NR5A2: variants seen among roughly 807,000 people sequenced by gnomAD.
NR5A2 encodes the protein nuclear receptor subfamily 5 group A member 2.
NR5A2 carries 26 observed loss-of-function variants against 62.7 expected under a neutral mutation model. The ratio of observed to expected loss-of-function variants is 0.41; its 90% CI spans 0.30 to 0.58. The LOEUF (loss-of-function observed/expected upper bound fraction) is 0.58. Ranked by LOEUF, NR5A2 falls within the 20% of genes least tolerant of loss-of-function variation. The pLI is 0.22. For synonymous variants in NR5A2, 246 were observed against 241.7 expected, an observed-to-expected ratio of 1.02 and a Z score of -0.16; for missense variants, 541 against 669.1, an observed-to-expected ratio of 0.81 and a Z score of 2.11.
At chr1:200,061,002 C>T (rs1663187256) in intron 5 of NR5A2, among the ~76,000 whole-genome samples, 1 of 149,742 alleles carries the variant, frequency 6.7e-6, no homozygotes, top group South Asian at 2.1e-4. Flanking sequence ...CACCTGTAAT[C>T]CCAGCTATTC....
At chr1:200,152,362 G>T (rs536262693) in intron 7 of NR5A2, among the ~76,000 whole-genome samples, 2 of 151,936 alleles carry the variant, frequency 1.3e-5, no homozygotes, top group South Asian at 2.1e-4. Flanking sequence ...CTACATAAAG[G>T]TTTTCCATAT....
In NR5A2 at chr1:200,039,197, G is replaced by A. The variant is rs1200751722; in HGVS notation, c.65-461G>A. The stretch of plus-strand genomic sequence containing the variant: ...GGAGAGGAGGGGAGAGAGAAGGGAG[G>A]CGAGAGAAAGAGGAGAGAGACCCCT... On this transcript the variant is annotated intron_variant, in intron 1 of 7. Transcript: ENST00000367362. The surrounding 1 kb of genome is among the most constrained non-coding windows in gnomAD (Gnocchi z 5.1). Among the ~76,000 whole-genome samples the A allele has an allele frequency of 1.3e-5, 2 of 152,234 alleles. No individual in the cohort carries two copies. The highest frequency in any genetic ancestry group is 2.1e-4 in the South Asian group (1 of 4,826).
intron 7 of NR5A2, among the ~76,000 whole-genome samples, chr1:200,131,156 T>C (rs572781129): frequency 6.6e-6 from 1 of 152,294 alleles, no homozygotes; most frequent in African/African-American, 2.4e-5. Flanking sequence ...ATTTACACCA[T>C]AGAGATTTGG....
intron 7 of NR5A2, among the ~76,000 whole-genome samples, chr1:200,142,513 T>TA (rs931260431): frequency 0.01 from 1,539 of 150,662 alleles, 28 homozygotes; most frequent in African/African-American, 0.035. Context: ...TTCTTTTTTT[T>TA]AAAAAAAAAT....
At chr1:200,124,807 C>A (rs1423576093) in intron 7 of NR5A2, among the ~76,000 whole-genome samples, 1 of 152,156 alleles carries the variant, frequency 6.6e-6, no homozygotes, top group East Asian at 1.9e-4. Context: ...TGGCAGACAC[C>A]TGTGGTTTCA....
intron 1 of NR5A2, among the ~76,000 whole-genome samples, chr1:200,037,854 G>C (rs1661850373): frequency 6.6e-6 from 1 of 152,204 alleles, no homozygotes; most frequent in Admixed American, 6.5e-5. Context: ...GTGTGGGTGG[G>C]TGATGAACAA....
intron 5 of NR5A2, among the ~76,000 whole-genome samples, chr1:200,056,908 C>T (rs1003083266): frequency 2.0e-5 from 3 of 152,176 alleles, no homozygotes; most frequent in Admixed American, 6.5e-5. Context: ...AGTAGGACCA[C>T]ACTGCTACCG....
chr1:200,141,637 C>T (rs1248839873), intron 7 of NR5A2, among the ~76,000 whole-genome samples: 1 of 152,072 alleles, frequency 6.6e-6, no homozygotes, highest in Non-Finnish European at 1.5e-5. Flanking sequence ...CAAGAATGCA[C>T]TTGTTGGGTC....
At chr1:200,035,081 A>G (rs547240197) in intron 1 of NR5A2, among the ~76,000 whole-genome samples, 1 of 152,070 alleles carries the variant, frequency 6.6e-6, no homozygotes. Context: ...GAGGGGCGGA[A>G]AAATTAGGCA....
At chr1:200,042,337 A>AC (rs1352827493) in intron 2 of NR5A2, among the ~76,000 whole-genome samples, 3 of 151,448 alleles carry the variant, frequency 2.0e-5, no homozygotes, top group Admixed American at 6.6e-5. Context: ...GCTGCAAGTG[A>AC]CCCCCCTGAC....
At chr1:200,087,561 A>C (rs955295907) in intron 5 of NR5A2, among the ~76,000 whole-genome samples, 1 of 150,146 alleles carries the variant, frequency 6.7e-6, no homozygotes, top group African/African-American at 2.5e-5. Context: ...CACCTGGCTA[A>C]TTTTTTTGTA....
intron 5 of NR5A2, among the ~76,000 whole-genome samples, chr1:200,053,299 T>C (rs1490007867): frequency 6.6e-6 from 1 of 151,950 alleles, no homozygotes; most frequent in Admixed American, 6.6e-5. Flanking sequence ...AAAGATGAAA[T>C]TAATACTCTG....
intron 5 of NR5A2, among the ~76,000 whole-genome samples, chr1:200,053,538 C>T (rs947841148): frequency 2.8e-4 from 41 of 148,416 alleles, no homozygotes; most frequent in South Asian, 2.1e-4. Context: ...TCCTCTTGTA[C>T]GCATTCCCTC....
intron 5 of NR5A2, among the ~76,000 whole-genome samples, chr1:200,106,278 C>T (rs994180634): frequency 4.6e-5 from 7 of 151,990 alleles, no homozygotes; most frequent in African/African-American, 9.7e-5. Context: ...AGGCTGGTCT[C>T]GAACTCCTGA....
intron 7 of NR5A2, among the ~76,000 whole-genome samples, chr1:200,134,892 A>G (rs1474260070): frequency 6.6e-6 from 1 of 152,178 alleles, no homozygotes; most frequent in Non-Finnish European, 1.5e-5. Context: ...TGTCTCTAGA[A>G]CTTCCTGTCT....
At position 200,174,145 on chromosome 1, in the gene NR5A2, C is replaced by A; in HGVS notation, c.1561C>A (p.His521Asn). ...MQAEEYLYYK[H>N]LNGDVPYNNL... ...GGCTGAAGAATACCTCTACTACAAG[C>A]ACCTGAACGGGGATGTGCCCTATAA... Residue 521 changes from histidine (H) to asparagine (N), a missense_variant, in exon 8 of 8, where the codon CAC (histidine) becomes AAC (asparagine). His to Asn is a moderately conservative substitution (Grantham distance 68). This residue lies in a region of NR5A2 where 379 missense variants were observed against 442.0 expected (regional missense o/e 0.86). Coordinates refer to ENST00000367362, the MANE Select transcript of NR5A2 (RefSeq NM_205860.3). The A allele has an allele frequency of 6.2e-7, 1 of 1,613,746 alleles. No homozygotes were observed. The highest frequency in any genetic ancestry group is 8.5e-7 in the Non-Finnish European group (1 of 1,179,918).
intron 5 of NR5A2, among the ~76,000 whole-genome samples, chr1:200,083,988 TA>T (rs1664413409): frequency 1.3e-5 from 2 of 148,684 alleles, no homozygotes; most frequent in Non-Finnish European, 3.0e-5. Flanking sequence ...ATAATAATAA[TA>T]ATAATAATAA....
intron 5 of NR5A2, among the ~76,000 whole-genome samples, chr1:200,077,074 T>C (rs1276433526): frequency 1.3e-5 from 2 of 152,260 alleles, no homozygotes; most frequent in Non-Finnish European, 2.9e-5. Context: ...ACTACTTTAG[T>C]GCCGTTTTTA....
At chr1:200,113,866 T>C (rs1441293893) in intron 6 of NR5A2, among the ~76,000 whole-genome samples, 1 of 152,104 alleles carries the variant, frequency 6.6e-6, no homozygotes, top group East Asian at 1.9e-4. Context: ...AGCAATATGC[T>C]AGAGGAAAAG....
Sources: allele counts gnomAD v4.1 joint callset (sites outside exome capture counted in the v4.1 genomes callset), GRCh38; gene constraint gnomAD v4.1.1; regional missense constraint gnomAD v4.1.1; non-coding constraint Gnocchi (gnomAD v3.1); transcripts MANE v1.5; gene names NCBI Gene and HGNC (gene_info 2026-07-23, HGNC 2026-07-21).